Variants in SLC4A4 observed in about 807,000 individuals in gnomAD.
SLC4A4 encodes the protein electrogenic sodium bicarbonate cotransporter 1.
Under a neutral mutation model 111.5 loss-of-function variants are expected in SLC4A4, and 27 were observed. The observed-to-expected ratio is 0.24, with a 90% CI of 0.18 to 0.33. The LOEUF is 0.33. Among genes scored for constraint, SLC4A4 ranks in the 10% least tolerant of loss-of-function variants. SLC4A4 has a pLI of 1.00. For missense variants in SLC4A4, 909 were observed against 1,315.5 expected, an observed-to-expected ratio of 0.69 and a Z score of 4.78; for synonymous variants, 443 against 463.4, an observed-to-expected ratio of 0.96 and a Z score of 0.57.
intron 15 of SLC4A4, among the ~76,000 whole-genome samples, chr4:71,490,334 C>CT (rs1217693488): frequency 4.0e-5 from 6 of 151,628 alleles, no homozygotes; most frequent in African/African-American, 1.2e-4. Flanking sequence ...CATCAGATTC[C>CT]TTTTTTTTAA....
In SLC4A4 at chr4:71,230,596, G is replaced by A. The variant is rs960773923; in HGVS notation, c.-1-5980G>A. Among the ~76,000 whole-genome samples the A allele has an allele frequency of 2.6e-5, 4 of 152,198 alleles. No individual in the cohort carries two copies. The East Asian group carries it at 7.7e-4, about 29-fold the overall frequency. On this transcript the variant is annotated intron_variant, in intron 1 of 25. Coordinates refer to ENST00000264485, the MANE Select transcript of SLC4A4 (RefSeq NM_001098484.3). ...TTAGCTAATAAACTTTAAGCTGCAT[G>A]CACGGAGAGAACCAGTGATATTAAA...
chr4:71,173,610 C>T (rs576573581), intron 2 of SLC4A4, among the ~76,000 whole-genome samples: 2 of 152,118 alleles, frequency 1.3e-5, no homozygotes, highest in East Asian at 3.9e-4. Flanking sequence ...CTCCTGACCT[C>T]GTGATCTGCC....
intron 7 of SLC4A4, among the ~76,000 whole-genome samples, chr4:71,424,264 A>G (rs1488668789): frequency 6.6e-6 from 1 of 152,158 alleles, no homozygotes; most frequent in Non-Finnish European, 1.5e-5. Flanking sequence ...TGGCCATCAG[A>G]GAAATGCAAA....
intron 3 of SLC4A4, among the ~76,000 whole-genome samples, chr4:71,266,346 T>A (rs1271167732): frequency 6.6e-6 from 1 of 152,258 alleles, no homozygotes; most frequent in Non-Finnish European, 1.5e-5. Flanking sequence ...GTGACATTTC[T>A]GTTAGTGTTC....
chr4:71,122,591 A>T (rs1381334718), intron 2 of SLC4A4, among the ~76,000 whole-genome samples: 1 of 152,164 alleles, frequency 6.6e-6, no homozygotes, highest in African/African-American at 2.4e-5. Context: ...TTTAAAAAAA[A>T]AAGAGTAGAG....
At chr4:71,363,623 G>C (rs1730994847) in intron 6 of SLC4A4, among the ~76,000 whole-genome samples, 1 of 152,188 alleles carries the variant, frequency 6.6e-6, no homozygotes. Flanking sequence ...AGATAGGTCA[G>C]TTGACATCTT....
chr4:71,157,092 A>G (rs1420925965), intron 2 of SLC4A4, among the ~76,000 whole-genome samples: 1 of 152,192 alleles, frequency 6.6e-6, no homozygotes, highest in African/African-American at 2.4e-5. Flanking sequence ...TAATCTGTGA[A>G]TGTAAATACA....
At chr4:71,544,937 C>G (rs946221354) in intron 18 of SLC4A4, among the ~76,000 whole-genome samples, 5 of 151,994 alleles carry the variant, frequency 3.3e-5, no homozygotes, top group African/African-American at 1.2e-4. Flanking sequence ...AGTCAATACT[C>G]ATTGAAAGAA....
At chr4:71,181,678 A>G in intron 2 of SLC4A4, among the ~76,000 whole-genome samples, 1 of 152,208 alleles carries the variant, frequency 6.6e-6, no homozygotes, top group East Asian at 1.9e-4. Context: ...CTGAGTTCCT[A>G]CTGTGTGTAA....
At chr4:71,409,417 G>T (rs1721161407) in intron 7 of SLC4A4, among the ~76,000 whole-genome samples, 1 of 152,192 alleles carries the variant, frequency 6.6e-6, no homozygotes, top group Non-Finnish European at 1.5e-5. Flanking sequence ...TTGGGAACTG[G>T]AACAAAGGTG....
At chr4:71,464,011 T>C (rs1727084312) in intron 12 of SLC4A4, among the ~76,000 whole-genome samples, 2 of 152,296 alleles carry the variant, frequency 1.3e-5, no homozygotes, top group African/African-American at 4.8e-5. Flanking sequence ...TAAAGAATGT[T>C]GTAGTATATC....
At chr4:71,085,968 G>T (rs978374176) in intron 1 of SLC4A4, among the ~76,000 whole-genome samples, 11 of 151,944 alleles carry the variant, frequency 7.2e-5, no homozygotes, top group Admixed American at 2.6e-4. Flanking sequence ...GATGGGGATG[G>T]CATTGAATCT....
At chr4:71,105,788 C>G (rs1742898683) in intron 2 of SLC4A4, among the ~76,000 whole-genome samples, 1 of 116,490 alleles carries the variant, frequency 8.6e-6, no homozygotes, top group Non-Finnish European at 1.8e-5. Context: ...GGATTAAAGA[C>G]TTAAACATTA....
chr4:71,512,146 C>T (rs1016381977), intron 16 of SLC4A4, among the ~76,000 whole-genome samples: 3 of 152,038 alleles, frequency 2.0e-5, no homozygotes, highest in African/African-American at 4.8e-5. Context: ...CCCAGTACTG[C>T]GTTTGCTGGA....
intron 2 of SLC4A4, among the ~76,000 whole-genome samples, chr4:71,144,544 G>A (rs1480359802): frequency 1.3e-5 from 2 of 151,688 alleles, no homozygotes; most frequent in African/African-American, 4.8e-5. Context: ...GGGCAGTATG[G>A]CCATTTTCAC....
intron 18 of SLC4A4, among the ~76,000 whole-genome samples, chr4:71,543,900 A>AT (rs33977974): frequency 0.72 from 109,124 of 151,846 alleles, 39,452 homozygotes; most frequent in Admixed American, 0.76. Flanking sequence ...AAAGTGTTAC[A>AT]TTTTTTTCAT....
At chr4:71,145,578 G>T (rs1168906435) in intron 2 of SLC4A4, among the ~76,000 whole-genome samples, 8 of 148,572 alleles carry the variant, frequency 5.4e-5, no homozygotes, top group Non-Finnish European at 1.0e-4. Context: ...ATCTGGTCCT[G>T]GATTTTTTTT....
chr4:71,167,257 C>T (rs1290896731), intron 2 of SLC4A4, among the ~76,000 whole-genome samples: 1 of 152,170 alleles, frequency 6.6e-6, no homozygotes, highest in Non-Finnish European at 1.5e-5. Context: ...CTCCAACTAG[C>T]TTGGCTTGGA....
intron 2 of SLC4A4, among the ~76,000 whole-genome samples, chr4:71,116,550 A>G (rs978673325): frequency 2.6e-5 from 4 of 152,182 alleles, no homozygotes; most frequent in African/African-American, 4.8e-5. Flanking sequence ...GATTAAGGAG[A>G]AAAAATAGAG....
Sources: gnomAD v4.1 joint callset for allele counts (sites outside exome capture counted in the v4.1 genomes callset) on GRCh38, gnomAD v4.1.1 for gene constraint, MANE v1.5 for transcripts, NCBI Gene and HGNC (gene_info 2026-07-23, HGNC 2026-07-21) for gene names.